NF1: variants seen among roughly 807,000 people sequenced by gnomAD.
NF1 encodes neurofibromin 1.
Under a neutral mutation model 325.7 loss-of-function variants are expected in NF1, and 122 were observed. The observed-to-expected ratio is 0.37, with a 90% CI of 0.32 to 0.44. NF1 has a LOEUF of 0.44. NF1 is among the 20% of genes least tolerant of loss of function. The pLI, the probability that NF1 is intolerant of heterozygous loss-of-function variation, is 1.00. For missense variants in NF1, 2,140 were observed against 3,415.4 expected, an observed-to-expected ratio of 0.63 and a Z score of 9.31; for synonymous variants, 1,091 against 1,186.0, an observed-to-expected ratio of 0.92 and a Z score of 1.65.
chr17:31,142,947 T>G (rs1916340486), intron 1 of NF1, among the ~76,000 whole-genome samples: 1 of 152,176 alleles, frequency 6.6e-6, no homozygotes, highest in Admixed American at 6.5e-5. Context: ...TGCCCCTTGT[T>G]TCTTGAAGTT....
chr17:31,236,149 A>G (rs1177629860), intron 29 of NF1, 128 bp downstream of exon 29: 1 of 683,956 alleles, frequency 1.5e-6, no homozygotes, highest in East Asian at 2.7e-5. Context: ...TAATTATAAA[A>G]GTTATATACA....
intron 36 of NF1, chr17:31,319,046 T>G (rs2069107502): frequency 6.4e-7 from 1 of 1,551,802 alleles, no homozygotes; most frequent in Admixed American, 2.0e-5. Flanking sequence ...CAATATAATT[T>G]GTTAGTTTGT....
chr17:31,201,447 T>A lies in NF1; in HGVS notation c.1222T>A (p.Tyr408Asn), dbSNP rs2066528210. The change falls in exon 11 of 58, where the codon TAT (tyrosine) becomes AAT (asparagine). Residue 408 changes from tyrosine (Y) to asparagine (N), a missense_variant. Transcript: ENST00000358273. The stretch of plus-strand genomic sequence containing the variant: ...TCAGAATTCACCTTCTACATTTCAC[T>A]ATGTGCTGGTAAATTCACTCCATCG... ...LAQNSPSTFH[Y>N]VLVNSLHRII... is the part of the protein sequence containing the mutation. 3 of 1,612,976 alleles carry A rather than the reference T, an allele frequency of 1.9e-6. No individual in the cohort carries two copies. The highest frequency in any genetic ancestry group is 2.5e-6 in the Non-Finnish European group (3 of 1,179,350).
At chr17:31,169,183 C>G (rs752101382) in intron 4 of NF1, among the ~76,000 whole-genome samples, 1 of 152,092 alleles carries the variant, frequency 6.6e-6, no homozygotes, top group Non-Finnish European at 1.5e-5. Flanking sequence ...AAGTGCATAC[C>G]TGTGTGATAT....
At chr17:31,120,978 A>G in intron 1 of NF1, among the ~76,000 whole-genome samples, 1 of 152,250 alleles carries the variant, frequency 6.6e-6, no homozygotes, top group East Asian at 1.9e-4. Context: ...CCAAAATTTA[A>G]TAAAACACTA....
At chr17:31,146,789 T>C (rs1281510039) in intron 1 of NF1, among the ~76,000 whole-genome samples, 1 of 152,216 alleles carries the variant, frequency 6.6e-6, no homozygotes, top group Admixed American at 6.5e-5. Context: ...TTGCCCAGAA[T>C]TGCGGTGGCT....
intron 48 of NF1, among the ~76,000 whole-genome samples, chr17:31,345,125 A>G (rs2069937276): frequency 6.6e-6 from 1 of 152,174 alleles, no homozygotes; most frequent in Non-Finnish European, 1.5e-5. Flanking sequence ...TCTGTCTTAA[A>G]AGACAAGAAA....
At chr17:31,180,851 C>T (rs146812582) in intron 5 of NF1, among the ~76,000 whole-genome samples, 2 of 152,128 alleles carry the variant, frequency 1.3e-5, no homozygotes, top group South Asian at 2.1e-4. Flanking sequence ...AAAACCCCAT[C>T]GTCTCAGCCC....
At chr17:31,142,259 A>G (rs1167437491) in intron 1 of NF1, among the ~76,000 whole-genome samples, 1 of 152,186 alleles carries the variant, frequency 6.6e-6, no homozygotes, top group African/African-American at 2.4e-5. Context: ...TTAGCTTTAC[A>G]TTTCTTCCAT....
At chr17:31,198,999 A>T (rs779204337) in intron 8 of NF1, among the ~76,000 whole-genome samples, 2 of 151,804 alleles carry the variant, frequency 1.3e-5, no homozygotes, top group African/African-American at 4.8e-5. Flanking sequence ...TTTTTTTGTT[A>T]ACCTATCTAG....
rs893515108 is a variant in NF1 at position 31,178,596 on chromosome 17, C to G, written c.587-2826C>G. Among the ~76,000 whole-genome samples, 10 of 152,146 alleles carry G rather than the reference C, an allele frequency of 6.6e-5. No homozygotes were observed. The East Asian group carries it at 7.7e-4, about 12-fold the overall frequency. On this transcript the variant is annotated intron_variant, in intron 5 of 57. Coordinates refer to ENST00000358273, the MANE Select transcript of NF1 (RefSeq NM_001042492.3). ...TTGGATAAAGAGTCAAGACCCATCACTGTGCTGTATTCAGGAGACCCATCT... is the reference window on the plus strand; with the variant it reads ...TTGGATAAAGAGTCAAGACCCATCAGTGTGCTGTATTCAGGAGACCCATCT...
chr17:31,243,214 T>TGTGTGTGTGTGTGTG (rs1369781933), intron 29 of NF1, among the ~76,000 whole-genome samples: 118 of 70,552 alleles, frequency 1.7e-3, no homozygotes, highest in African/African-American at 6.8e-3. Flanking sequence ...GTGTGTGTGT[T>TGTGTGTGTGTGTGTG]GAGCTGCCTG....
chr17:31,339,446 G>T (rs1032951334), intron 46 of NF1, among the ~76,000 whole-genome samples: 2 of 152,140 alleles, frequency 1.3e-5, no homozygotes, highest in Non-Finnish European at 2.9e-5. Flanking sequence ...TTCGATAATG[G>T]CATGGTATTA....
At position 31,294,632 on chromosome 17, in the gene NF1, AG is replaced by A; in HGVS notation, c.4835+29294del. 3 of 209,974 alleles carry A rather than the reference AG, an allele frequency of 1.4e-5. No individual in the cohort carries two copies. In the South Asian group the frequency reaches 2.3e-4, roughly 16 times the overall value. 13.0% of individuals were successfully genotyped at this position (209,974 alleles called of 1,614,324 possible). A position where few individuals can be genotyped will look rare whatever the true frequency, so the allele number is the denominator to read the frequency against. The stretch of plus-strand genomic sequence containing the variant: ...TCTGCTAAAGTTGGTATGACTGGAA[AG>A]CCAAATGACACAGTTATGAGCATAG... On this transcript the variant is annotated intron_variant, in intron 36 of 57. Coordinates refer to ENST00000358273, the MANE Select transcript of NF1 (RefSeq NM_001042492.3).
At chr17:31,370,957 A>G (rs1567633156) in intron 57 of NF1, among the ~76,000 whole-genome samples, 1 of 152,150 alleles carries the variant, frequency 6.6e-6, no homozygotes, top group African/African-American at 2.4e-5. Flanking sequence ...TGCAAATTTG[A>G]GGAAATGGAA....
In NF1 at chr17:31,206,269, T is replaced by C. The variant is rs766688203; in HGVS notation, c.1290T>C (p.Asp430=). The C allele has an allele frequency of 3.1e-6, 5 of 1,613,824 alleles. No homozygotes were observed. In the Admixed American group the frequency reaches 5.0e-5, roughly 16 times the overall value. The change falls in exon 12 of 58, where the codon GAT becomes GAC. Residue 430 remains aspartate (D), a synonymous_variant. Transcript: ENST00000358273. The part of the protein sequence containing the change: ...NSALDWWPKI[D]AVYCHSVELR... ...CATTGGATTGGTGGCCTAAGATTGA[T>C]GCTGTGTATTGTCACTCGGTTGAAC...
chr17:31,135,793 T>C (rs931836378), intron 1 of NF1, among the ~76,000 whole-genome samples: 1 of 152,126 alleles, frequency 6.6e-6, no homozygotes, highest in Admixed American at 6.5e-5. Context: ...CAGGGGCTAG[T>C]CTTGAACTCC....
chr17:31,097,040 C>T (rs1260334587), intron 1 of NF1, among the ~76,000 whole-genome samples: 5 of 152,094 alleles, frequency 3.3e-5, no homozygotes, highest in Admixed American at 6.5e-5. Context: ...GGATCCACGC[C>T]GCAATTCTCC....
intron 49 of NF1, 119 bp downstream of exon 49, chr17:31,349,370 C>T: frequency 1.0e-6 from 1 of 993,646 alleles, no homozygotes. Context: ...AGTTCACAGT[C>T]TAGTCCTTTA....
Sources: gnomAD v4.1 joint callset for allele counts (sites outside exome capture counted in the v4.1 genomes callset) on GRCh38, gnomAD v4.1.1 for gene constraint, MANE v1.5 for transcripts, NCBI Gene and HGNC (gene_info 2026-07-23, HGNC 2026-07-21) for gene names.